The following TMEM178B variants were observed in gnomAD, a reference collection of about 807,000 sequenced individuals.
TMEM178B encodes the protein transmembrane protein 178B.
TMEM178B carries 5 observed loss-of-function variants against 31.0 expected under a neutral mutation model. The ratio of observed to expected loss-of-function variants is 0.16; its 90% CI spans 0.08 to 0.34. The LOEUF (loss-of-function observed/expected upper bound fraction) is 0.34. TMEM178B is among the 10% of genes least tolerant of loss of function. The pLI is 1.00. For synonymous variants in TMEM178B, 164 were observed against 164.0 expected (o/e 1.00, Z 0.00); for missense variants, 275 against 400.3 (o/e 0.69, Z 2.67).
At chr7:141,231,313 G>GA (rs11370976) in intron 2 of TMEM178B, among the ~76,000 whole-genome samples, 66,532 of 143,298 alleles carry the variant, frequency 0.46, 15,502 homozygotes, top group East Asian at 0.65. Context: ...CTCAAGAGAA[G>GA]AAAAAAAAAA....
At position 141,126,385 on chromosome 7, in the gene TMEM178B, C is replaced by T. The variant is rs141659455; in HGVS notation, c.382+51693C>T. On this transcript the variant is annotated intron_variant, in intron 1 of 3. Coordinates refer to ENST00000565468, the MANE Select transcript of TMEM178B (RefSeq NM_001195278.2). ...GAAAAGCTTTGTAATTTGAGCTAAG[C>T]CTTGACGCTGTAGATCCGTGGTTTC... is the stretch of plus-strand genomic sequence containing the variant. Among the ~76,000 whole-genome samples, 397 of 152,266 alleles carry T rather than the reference C, an allele frequency of 2.6e-3. 1 individual carries two copies. The highest frequency in any genetic ancestry group is 9.0e-3 in the African/African-American group (374 of 41,536).
At chr7:141,301,319 A>T (rs1004761422) in intron 2 of TMEM178B, among the ~76,000 whole-genome samples, 2 of 152,224 alleles carry the variant, frequency 1.3e-5, no homozygotes, top group Admixed American at 1.3e-4. Context: ...TACTTTAATA[A>T]ACATGCACAA....
intron 1 of TMEM178B, among the ~76,000 whole-genome samples, chr7:141,159,392 G>C (rs1167383362): frequency 1.3e-5 from 2 of 152,140 alleles, no homozygotes; most frequent in East Asian, 1.9e-4. Context: ...CAGTATGGTA[G>C]CTCCCCCAAA....
At chr7:141,204,591 T>C (rs1277041430) in intron 1 of TMEM178B, among the ~76,000 whole-genome samples, 1 of 152,210 alleles carries the variant, frequency 6.6e-6, no homozygotes, top group African/African-American at 2.4e-5. Context: ...TTTTAAGACA[T>C]TGTGTAAATA....
At chr7:141,396,964 A>G (rs1483271505) in intron 2 of TMEM178B, among the ~76,000 whole-genome samples, 2 of 152,250 alleles carry the variant, frequency 1.3e-5, no homozygotes, top group Non-Finnish European at 2.9e-5. Context: ...GAGAGCCAAC[A>G]GGACAAAATG....
At chr7:141,337,017 TCAC>T (rs1799416323) in intron 2 of TMEM178B, among the ~76,000 whole-genome samples, 2 of 18,586 alleles carry the variant, frequency 1.1e-4, no homozygotes, top group African/African-American at 4.1e-4. Flanking sequence ...ACCACCACCA[TCAC>T]CACCATCACC....
In TMEM178B at chr7:141,396,344, C is replaced by T. The variant is rs530152665; in HGVS notation, c.497-41264C>T. 3.3e-5 allele frequency among the ~76,000 whole-genome samples: 5 copies of T among 152,354 alleles called. No individual in the cohort carries two copies. The South Asian group carries it at 1.0e-3, about 32-fold the overall frequency. On this transcript the variant is annotated intron_variant, in intron 2 of 3. Coordinates refer to ENST00000565468, the MANE Select transcript of TMEM178B (RefSeq NM_001195278.2). ...AAAGAGGCAAATACCCTACCACTTT[C>T]CCATCGCCCATGCCTACTCCCACCT...
At chr7:141,509,870 T>G in the TMEM178B span, among the ~76,000 whole-genome samples, 2 of 152,208 alleles carry the variant, frequency 1.3e-5, no homozygotes, top group Non-Finnish European at 1.5e-5. Context: ...ATCCTCCGCA[T>G]GTCCTTTGGG....
At chr7:141,354,977 T>G (rs1399949575) in intron 2 of TMEM178B, among the ~76,000 whole-genome samples, 1 of 152,230 alleles carries the variant, frequency 6.6e-6, no homozygotes, top group Non-Finnish European at 1.5e-5. Flanking sequence ...CTTTGAGTTT[T>G]TATTTTTATT....
chr7:141,334,515 T>A (rs1007249195), intron 2 of TMEM178B, among the ~76,000 whole-genome samples: 1 of 152,110 alleles, frequency 6.6e-6, no homozygotes, highest in African/African-American at 2.4e-5. Context: ...AGAAGATGAA[T>A]CCTGGGCCAG....
intron 2 of TMEM178B, among the ~76,000 whole-genome samples, chr7:141,375,703 G>A (rs1185663312): frequency 2.0e-5 from 3 of 152,172 alleles, no homozygotes; most frequent in Non-Finnish European, 4.4e-5. Context: ...TATTTAGGAA[G>A]CCATGGTTAT....
the TMEM178B span, among the ~76,000 whole-genome samples, chr7:141,488,278 G>T: frequency 6.6e-6 from 1 of 152,130 alleles, no homozygotes; most frequent in East Asian, 1.9e-4. Context: ...GCCCCCAGAG[G>T]TCTGCCTTTT....
intron 2 of TMEM178B, among the ~76,000 whole-genome samples, chr7:141,258,368 T>G (rs1299310153): frequency 1.3e-5 from 2 of 152,090 alleles, no homozygotes; most frequent in Non-Finnish European, 2.9e-5. Context: ...ATTCTCATAA[T>G]GTTTTAAGAA....
intron 2 of TMEM178B, among the ~76,000 whole-genome samples, chr7:141,416,840 G>T (rs938249475): frequency 6.6e-6 from 1 of 152,110 alleles, no homozygotes; most frequent in Non-Finnish European, 1.5e-5. Flanking sequence ...AGTACATAAC[G>T]AGCATTTACT....
At chr7:141,096,916 C>T (rs1475886172) in intron 1 of TMEM178B, among the ~76,000 whole-genome samples, 4 of 151,872 alleles carry the variant, frequency 2.6e-5, no homozygotes, top group Non-Finnish European at 2.9e-5. Context: ...AGCGAGATCT[C>T]ATCTCTACAA....
At chr7:141,257,392 T>C (rs1319933590) in intron 2 of TMEM178B, among the ~76,000 whole-genome samples, 1 of 152,246 alleles carries the variant, frequency 6.6e-6, no homozygotes, top group African/African-American at 2.4e-5. Context: ...ATTTTCAAGA[T>C]GTTGACACAA....
chr7:141,412,312 G>A (rs1320503224), intron 2 of TMEM178B, among the ~76,000 whole-genome samples: 1 of 152,198 alleles, frequency 6.6e-6, no homozygotes, highest in Non-Finnish European at 1.5e-5. Flanking sequence ...ATGAGAGTGG[G>A]AGAGTGCAGG....
At chr7:141,155,703 A>G (rs1452291732) in intron 1 of TMEM178B, among the ~76,000 whole-genome samples, 3 of 152,090 alleles carry the variant, frequency 2.0e-5, no homozygotes, top group African/African-American at 7.2e-5. Flanking sequence ...CTTCCCAGGC[A>G]GGGCCATTTT....
At chr7:141,220,870 T>A (rs949825647) in intron 2 of TMEM178B, among the ~76,000 whole-genome samples, 2 of 152,202 alleles carry the variant, frequency 1.3e-5, no homozygotes, top group Admixed American at 1.3e-4. Flanking sequence ...GTGTCTGTTC[T>A]GTGAGAACCC....
Sources: gnomAD v4.1 joint callset for allele counts (sites outside exome capture counted in the v4.1 genomes callset) on GRCh38, gnomAD v4.1.1 for gene constraint, MANE v1.5 for transcripts, NCBI Gene and HGNC (gene_info 2026-07-23, HGNC 2026-07-21) for gene names.